The following NTHL1 variants were observed in gnomAD, a reference collection of about 807,000 sequenced individuals.
The protein encoded by NTHL1 is nth like DNA glycosylase 1, also known as endonuclease III-like protein 1.
In NTHL1, 32 loss-of-function variants were observed where a neutral mutation model predicts 32.3. The ratio of observed to expected loss-of-function variants is 0.99; its 90% CI spans 0.75 to 1.33. NTHL1 has a LOEUF of 1.33. Among genes scored for constraint, NTHL1 ranks in the 40% most tolerant of loss-of-function variants. The pLI is 0.00. For missense variants in NTHL1, 501 were observed against 414.1 expected (o/e 1.21, Z -1.82); for synonymous variants, 188 against 176.9 (o/e 1.06, Z -0.50).
Position 2,047,751 on chromosome 16 carries a change from T to C in NTHL1, c.73A>G (p.Arg25Gly), listed in dbSNP as rs369039003. 1 of 1,586,466 alleles carries C rather than the reference T, an allele frequency of 6.3e-7. No individual in the cohort carries two copies. Among genetic ancestry groups the C allele is most frequent in the Non-Finnish European group, 8.5e-7 (1 of 1,172,244 alleles). Residue 25 changes from arginine to glycine, a missense_variant, in exon 1 of 6, where the codon AGG becomes GGG. Coordinates refer to ENST00000651570, the MANE Select transcript of NTHL1 (RefSeq NM_002528.7). Reference sequence around the variant, plus strand: ...CTCCGGAGAGGCCCGGGCTCCTCCCTACACCCCCGCGGCCCAGCCCCGGGT... The same window carrying C: ...CTCCGGAGAGGCCCGGGCTCCTCCCCACACCCCCGCGGCCCAGCCCCGGGT... ...LGPGAGPRGC[R>G]EEPGPLRRRE...
In NTHL1 at chr16:2,047,705, C is replaced by A. The variant is rs780886475; in HGVS notation, c.115+4G>T. The A allele has an allele frequency of 1.3e-6, 2 of 1,575,488 alleles. No individual in the cohort carries two copies. Among genetic ancestry groups the A allele is most frequent in the East Asian group, 4.7e-5 (2 of 42,900 alleles). On this transcript the variant is annotated splice_donor_region_variant and intron_variant, in intron 1 of 5. Transcript: ENST00000651570. ...CCCACGCTCCAGCCACGGCGCGGCG[C>A]TACCTGCTGCAGCCTCTCTTCTCCG...
intron 4 of NTHL1, chr16:2,042,220 C>A: frequency 2.5e-6 from 1 of 401,678 alleles, no homozygotes; most frequent in South Asian, 1.8e-5. Context: ...TGCCTGGCTG[C>A]GGGCAGGGAC....
In NTHL1 at chr16:2,047,752, A is replaced by G. The variant is rs1265227121; in HGVS notation, c.72T>C (p.Cys24=). The change falls in exon 1 of 6, where the codon TGT becomes TGC. Residue 24 remains cysteine (C), a synonymous_variant. Coordinates refer to ENST00000651570, the MANE Select transcript of NTHL1 (RefSeq NM_002528.7). ...TCCGGAGAGGCCCGGGCTCCTCCCTACACCCCCGCGGCCCAGCCCCGGGTC... is the reference window on the plus strand; with the variant it reads ...TCCGGAGAGGCCCGGGCTCCTCCCTGCACCCCCGCGGCCCAGCCCCGGGTC... The part of the protein sequence containing the change: ...SLGPGAGPRG[C]REEPGPLRRR... 1.3e-6 allele frequency: 2 copies of G among 1,586,226 alleles called. No homozygotes were observed. Among genetic ancestry groups the G allele is most frequent in the Admixed American group, 1.7e-5 (1 of 58,642 alleles).
chr16:2,045,323 G>A (rs1407853579), intron 2 of NTHL1, among the ~76,000 whole-genome samples: 1 of 152,000 alleles, frequency 6.6e-6, no homozygotes, highest in African/African-American at 2.4e-5. Context: ...GGCAACAAGA[G>A]CAAGACTTGG....
Position 2,043,771 on chromosome 16 carries a change from C to A in NTHL1, c.526-45G>T. 1 of 1,606,282 alleles carries A rather than the reference C, an allele frequency of 6.2e-7. No individual in the cohort carries two copies. The highest frequency in any genetic ancestry group is 1.1e-5 in the South Asian group (1 of 90,964). On this transcript the variant is annotated intron_variant, in intron 3 of 5. Coordinates refer to ENST00000651570, the MANE Select transcript of NTHL1 (RefSeq NM_002528.7). The surrounding 1 kb of genome is among the most constrained non-coding windows in gnomAD (Gnocchi z 4.4). ...TCAGCCTTGGAGGCAAGGGCACAGC[C>A]CAACCTGGGAGGATGCAGCCCCCAG...
rs540081206 is a variant in NTHL1, at chr16:2,040,545, C to T, written c.686-307G>A. On this transcript the variant is annotated intron_variant, in intron 4 of 5. Coordinates refer to ENST00000651570, the MANE Select transcript of NTHL1 (RefSeq NM_002528.7). ...GGATGTGTGGGTGGTGGGGTCTCTG[C>T]TTTGGGCAGGGCCTGGGGGTGATGA... is the stretch of plus-strand genomic sequence containing the variant. 2.6e-5 allele frequency: 13 copies of T among 499,204 alleles called. No homozygotes were observed. The East Asian group carries it at 4.0e-4, about 15-fold the overall frequency. 30.9% of individuals were successfully genotyped at this position (499,204 alleles called of 1,614,324 possible).
In NTHL1 at chr16:2,043,534, G is replaced by A. The variant is rs745329578; in HGVS notation, c.685+33C>T. On this transcript the variant is annotated intron_variant, in intron 4 of 5. Coordinates refer to ENST00000651570, the MANE Select transcript of NTHL1 (RefSeq NM_002528.7). This position sits in a 1 kb window ranked among gnomAD's most constrained non-coding sequence, Gnocchi z 4.4. ...GTGGGGAATCCCAAGAGCAGCCAGT[G>A]GGCTGGAGCCAGCCCCGCCCTCCTC... 1.9e-6 allele frequency: 3 copies of A among 1,600,408 alleles called. No individual in the cohort carries two copies. The highest frequency in any genetic ancestry group is 4.5e-5 in the East Asian group (2 of 44,862).
At chr16:2,040,432 C>T in intron 4 of NTHL1, 194 bp from the exon 5 acceptor site, 1 of 649,976 alleles carries the variant, frequency 1.5e-6, no homozygotes, top group East Asian at 2.7e-5. Flanking sequence ...GCTGAGCCCT[C>T]TGTTGGGGTG....
At chr16:2,041,799 G>A (rs908687340) in intron 4 of NTHL1, among the ~76,000 whole-genome samples, 1 of 152,008 alleles carries the variant, frequency 6.6e-6, no homozygotes, top group African/African-American at 2.4e-5. Flanking sequence ...TAGTAGAGAC[G>A]GGGTTTCACC....
At chr16:2,041,983 C>G in intron 4 of NTHL1, 1 of 453,590 alleles carries the variant, frequency 2.2e-6, no homozygotes, top group South Asian at 1.6e-5. Flanking sequence ...GAACTCCTGA[C>G]CTCAGGTGAT....
At chr16:2,045,334 T>C (rs575431800) in intron 2 of NTHL1, among the ~76,000 whole-genome samples, 2 of 151,966 alleles carry the variant, frequency 1.3e-5, no homozygotes, top group Admixed American at 1.3e-4. Context: ...CAAGACTTGG[T>C]CTCAAAAAAA....
Position 2,043,540 on chromosome 16 carries a change from G to C in NTHL1, c.685+27C>G, listed in dbSNP as rs112375837. ...AATCCCAAGAGCAGCCAGTGGGCTG[G>C]AGCCAGCCCCGCCCTCCTCTACTCA... On this transcript the variant is annotated intron_variant, in intron 4 of 5. Coordinates refer to ENST00000651570, the MANE Select transcript of NTHL1 (RefSeq NM_002528.7). This position sits in a 1 kb window ranked among gnomAD's most constrained non-coding sequence, Gnocchi z 4.4. 5.6e-6 allele frequency: 9 copies of C among 1,601,392 alleles called. No individual in the cohort carries two copies. The highest frequency in any genetic ancestry group is 5.3e-5 in the African/African-American group (4 of 75,004).
At chr16:2,040,280 C>T (rs775993764) in intron 4 of NTHL1, 42 bp from the exon 5 acceptor site, 1 of 1,576,456 alleles carries the variant, frequency 6.3e-7, no homozygotes, top group East Asian at 2.2e-5. Context: ...CACACTCCAC[C>T]AGCCTAGCCC....
Position 2,044,491 on chromosome 16 carries a change from CT to C in NTHL1, c.525+138del. ...GCGTCAGGCCTCAGGGCCCCACGGC[CT>C]GGGGGGGGCTTCAGGGGGACCCCCC... On this transcript the variant is annotated intron_variant, in intron 3 of 5. Coordinates refer to ENST00000651570, the MANE Select transcript of NTHL1 (RefSeq NM_002528.7). This position sits in a 1 kb window ranked among gnomAD's most constrained non-coding sequence, Gnocchi z 5.0. 1 of 1,100,104 alleles carries C rather than the reference CT, an allele frequency of 9.1e-7. No individual in the cohort carries two copies. 68.1% of individuals were successfully genotyped at this position (1,100,104 alleles called of 1,614,324 possible). A position where few individuals can be genotyped will look rare whatever the true frequency, so the allele number is the denominator to read the frequency against.
At position 2,042,669 on chromosome 16, in the gene NTHL1, C is replaced by T. The variant is rs540672097; in HGVS notation, c.685+898G>A. On this transcript the variant is annotated intron_variant, in intron 4 of 5. Coordinates refer to ENST00000651570, the MANE Select transcript of NTHL1 (RefSeq NM_002528.7). ...CAAAGCCGAGGAGGAGGCAGCCCCA[C>T]CCCAAACCCAGGGGTCTGTCTGCAC... 1.2e-3 allele frequency among the ~76,000 whole-genome samples: 185 copies of T among 152,218 alleles called. 1 individual carries two copies. Among genetic ancestry groups the T allele is most frequent in the Non-Finnish European group, 2.4e-3 (162 of 67,986 alleles).
At chr16:2,045,054 T>A (rs1442725682) in intron 2 of NTHL1, among the ~76,000 whole-genome samples, 1 of 152,192 alleles carries the variant, frequency 6.6e-6, no homozygotes, top group East Asian at 1.9e-4. Context: ...GAATCGTATG[T>A]GGCCGGGCGT....
intron 4 of NTHL1, among the ~76,000 whole-genome samples, chr16:2,041,105 C>T (rs965974889): frequency 1.3e-5 from 2 of 152,248 alleles, no homozygotes; most frequent in South Asian, 2.1e-4. Context: ...CTCCTCCTCC[C>T]GTGTTTCCCA....
chr16:2,047,439 C>T, intron 1 of NTHL1: 1 of 560,728 alleles, frequency 1.8e-6, no homozygotes, highest in Non-Finnish European at 3.1e-6. Context: ...AGTGGAGAGT[C>T]CCGGACAGAG....
In NTHL1 at chr16:2,043,795, A is replaced by G; in HGVS notation, c.526-69T>C. On this transcript the variant is annotated intron_variant, in intron 3 of 5. Transcript: ENST00000651570. This position sits in a 1 kb window ranked among gnomAD's most constrained non-coding sequence, Gnocchi z 4.4. ...CCCAACCTGGGAGGATGCAGCCCCC[A>G]GGAGACCCACAGGTGGCCAGAGCTA... 2 of 1,586,090 alleles carry G rather than the reference A, an allele frequency of 1.3e-6. No individual in the cohort carries two copies. Among genetic ancestry groups the G allele is most frequent in the South Asian group, 1.1e-5 (1 of 90,164 alleles).
Sources: gnomAD v4.1 joint callset for allele counts (sites outside exome capture counted in the v4.1 genomes callset) on GRCh38, gnomAD v4.1.1 for gene constraint, Gnocchi (gnomAD v3.1) non-coding constraint, MANE v1.5 for transcripts, NCBI Gene and HGNC (gene_info 2026-07-23, HGNC 2026-07-21) for gene names.